The following PIGK variants were observed in gnomAD, a reference collection of about 807,000 sequenced individuals.
PIGK encodes GPI-anchor transamidase.
A neutral mutation model predicts 50.6 loss-of-function variants in PIGK; 42 were observed. The ratio of observed to expected loss-of-function variants is 0.83; its 90% CI spans 0.65 to 1.07. The LOEUF (loss-of-function observed/expected upper bound fraction) is 1.07, where lower values mean the gene tolerates loss of function less well. PIGK is among the 50% of genes least tolerant of loss of function. The probability of loss-of-function intolerance (pLI) is 0.00; values close to 1 mark genes in which losing one functional copy is unlikely to be tolerated. For synonymous variants in PIGK, 151 were observed against 156.0 expected, an observed-to-expected ratio of 0.97 and a Z score of 0.24; for missense variants, 448 against 488.7, an observed-to-expected ratio of 0.92 and a Z score of 0.78.
At chr1:77,198,557 A>G (rs1483698281) in intron 3 of PIGK, among the ~76,000 whole-genome samples, 2 of 152,030 alleles carry the variant, frequency 1.3e-5, no homozygotes, top group Admixed American at 6.6e-5. Context: ...ATAGGAGTTT[A>G]GCAAGTTGCT....
At chr1:77,114,043 A>C (rs1653911166) in intron 10 of PIGK, among the ~76,000 whole-genome samples, 1 of 152,146 alleles carries the variant, frequency 6.6e-6, no homozygotes, top group African/African-American at 2.4e-5. Context: ...TTTTGAACTA[A>C]ATCTGTTGAT....
At chr1:77,142,327 T>A (rs1280116198) in intron 9 of PIGK, among the ~76,000 whole-genome samples, 1 of 152,152 alleles carries the variant, frequency 6.6e-6, no homozygotes, top group Non-Finnish European at 1.5e-5. Context: ...GAGGAAGACA[T>A]CAATATGACT....
intron 3 of PIGK, among the ~76,000 whole-genome samples, chr1:77,184,666 T>G (rs548725200): frequency 6.6e-6 from 1 of 152,300 alleles, no homozygotes; most frequent in African/African-American, 2.4e-5. Flanking sequence ...CAGGTCCAAC[T>G]TACAGTGTGT....
At chr1:77,199,461 A>T (rs1334131042) in intron 3 of PIGK, among the ~76,000 whole-genome samples, 2 of 152,028 alleles carry the variant, frequency 1.3e-5, no homozygotes, top group Non-Finnish European at 2.9e-5. Flanking sequence ...CTTCACAATA[A>T]CTATGATTGT....
At chr1:77,187,120 T>TCA (rs1468719112) in intron 3 of PIGK, among the ~76,000 whole-genome samples, 1 of 152,168 alleles carries the variant, frequency 6.6e-6, no homozygotes, top group Non-Finnish European at 1.5e-5. Context: ...GGGCTCGTGC[T>TCA]CATGGAATTC....
intron 10 of PIGK, among the ~76,000 whole-genome samples, chr1:77,114,334 A>T (rs2100521957): frequency 6.6e-6 from 1 of 152,266 alleles, no homozygotes; most frequent in South Asian, 2.1e-4. Flanking sequence ...CATCAACGGT[A>T]CTAGTTATTT....
intron 10 of PIGK, among the ~76,000 whole-genome samples, chr1:77,104,997 G>A (rs890706433): frequency 3.9e-5 from 6 of 152,186 alleles, no homozygotes; most frequent in African/African-American, 1.4e-4. Flanking sequence ...AAAGGCTGGT[G>A]TGAGAGCCTT....
Position 77,092,434 on chromosome 1 carries a change from T to G in PIGK, c.1128A>C (p.Ala376=). The G allele has an allele frequency of 1.9e-6, 3 of 1,607,806 alleles. No individual in the cohort carries two copies. The highest frequency in any genetic ancestry group is 2.5e-6 in the Non-Finnish European group (3 of 1,177,022). ...PPGGFILGLW[A]LIIMVFFKTY... ...TTTTGAAGAAAACCATGATAATAAG[T>G]GCCCATAATCCCAGAATAAAGCCCC... The change falls in exon 11 of 11, where the codon GCA becomes GCC. Residue 376 remains alanine, a synonymous_variant. Transcript: ENST00000370812.
At chr1:77,123,987 G>A (rs866250327) in intron 9 of PIGK, among the ~76,000 whole-genome samples, 6 of 151,802 alleles carry the variant, frequency 4.0e-5, no homozygotes, top group African/African-American at 7.3e-5. Context: ...GAGGAGGAGC[G>A]CAGGACACCG....
At position 77,107,697 on chromosome 1, in the gene PIGK, T is replaced by C. The variant is rs1483942061; in HGVS notation, c.1071+14578A>G. ...TAATGTTGACAGTGGGGTGTTAAAG[T>C]CTCCCATTATTATTGTGTGGGAGTC... On this transcript the variant is annotated intron_variant, in intron 10 of 10. Transcript: ENST00000370812. 2.0e-5 allele frequency among the ~76,000 whole-genome samples: 3 copies of C among 152,266 alleles called. No homozygotes were observed. The East Asian group carries it at 5.8e-4, about 29-fold the overall frequency.
chr1:77,164,184 C>T (rs1249219971), intron 5 of PIGK, among the ~76,000 whole-genome samples: 1 of 152,050 alleles, frequency 6.6e-6, no homozygotes, highest in Admixed American at 6.6e-5. Context: ...TTACAGAAAC[C>T]TATATTTATG....
chr1:77,122,549 C>T (rs143853243), intron 9 of PIGK, among the ~76,000 whole-genome samples, 190 bp from the exon 10 acceptor site: 134 of 152,250 alleles, frequency 8.8e-4, no homozygotes, highest in African/African-American at 3.0e-3. Flanking sequence ...ATTCAGACTA[C>T]ATTAAGTAAC....
At chr1:77,163,725 AAG>A (rs1368309910) in intron 6 of PIGK, 119 bp downstream of exon 6, 1 of 609,692 alleles carries the variant, frequency 1.6e-6, no homozygotes, top group Non-Finnish European at 2.8e-6. Context: ...GTAAATTTAA[AAG>A]AGTCAAAGAA....
At chr1:77,129,538 C>A (rs1225022192) in intron 9 of PIGK, 32 of 1,277,870 alleles carry the variant, frequency 2.5e-5, no homozygotes, top group Non-Finnish European at 3.2e-5. Flanking sequence ...TACATGAGCT[C>A]TCCCTGCCAC....
chr1:77,178,458 T>C (rs1019782482), intron 3 of PIGK, among the ~76,000 whole-genome samples: 6 of 152,238 alleles, frequency 3.9e-5, no homozygotes, highest in African/African-American at 7.2e-5. Flanking sequence ...ATGAAAGGTA[T>C]GCTAAATAAC....
intron 10 of PIGK, among the ~76,000 whole-genome samples, chr1:77,110,716 TA>T (rs1653821555): frequency 6.6e-6 from 1 of 152,088 alleles, no homozygotes; most frequent in South Asian, 2.1e-4. Flanking sequence ...ACTTCACGAC[TA>T]AAACACCAAA....
At chr1:77,174,684 C>T (rs1655442482) in intron 3 of PIGK, among the ~76,000 whole-genome samples, 2 of 152,008 alleles carry the variant, frequency 1.3e-5, no homozygotes, top group Admixed American at 6.6e-5. Context: ...GATAAGACAC[C>T]CATGGGAGCT....
In PIGK at chr1:77,100,650, A is replaced by T. The variant is rs550079581; in HGVS notation, c.1072-8160T>A. Among the ~76,000 whole-genome samples, 14 of 152,314 alleles carry T rather than the reference A, an allele frequency of 9.2e-5. No individual in the cohort carries two copies. In the South Asian group the frequency reaches 2.7e-3, roughly 29 times the overall value. The stretch of plus-strand genomic sequence containing the variant: ...AATAAAAAAGGAGATTATCCAGGGC[A>T]TAGGGAAAGAGGTGGGAAATAAGGC... On this transcript the variant is annotated intron_variant, in intron 10 of 10. Coordinates refer to ENST00000370812, the MANE Select transcript of PIGK (RefSeq NM_005482.3).
intron 3 of PIGK, among the ~76,000 whole-genome samples, chr1:77,186,560 G>T (rs1655751594): frequency 6.6e-6 from 1 of 152,192 alleles, no homozygotes; most frequent in Non-Finnish European, 1.5e-5. Flanking sequence ...AAAATGTAAA[G>T]ATATTTGTAT....
Sources: gnomAD v4.1 joint callset for allele counts (sites outside exome capture counted in the v4.1 genomes callset) on GRCh38, gnomAD v4.1.1 for gene constraint, MANE v1.5 for transcripts, NCBI Gene and HGNC (gene_info 2026-07-23, HGNC 2026-07-21) for gene names.